CDH26: variants seen among roughly 807,000 people sequenced by gnomAD.
CDH26 encodes the protein cadherin-like protein 26.
In CDH26, 83 loss-of-function variants were observed where a neutral mutation model predicts 90.3. The observed-to-expected ratio is 0.92, with a 90% CI of 0.77 to 1.10. The LOEUF (loss-of-function observed/expected upper bound fraction) is 1.10. Among genes scored for constraint, CDH26 ranks in the 50% least tolerant of loss-of-function variants. The pLI is 0.00. For missense variants in CDH26, 1,013 were observed against 1,037.6 expected, an observed-to-expected ratio of 0.98 and a Z score of 0.33; for synonymous variants, 397 against 396.3, an observed-to-expected ratio of 1.00 and a Z score of -0.02.
At chr20:60,028,699 G>A (rs1209759906) in intron 7 of CDH26, among the ~76,000 whole-genome samples, 1 of 152,188 alleles carries the variant, frequency 6.6e-6, no homozygotes, top group Non-Finnish European at 1.5e-5. Context: ...AAGTGAGGTT[G>A]TGGAGACATC....
chr20:60,035,275 A>C (rs1186951631), downstream of CDH26, among the ~76,000 whole-genome samples: 1 of 152,226 alleles, frequency 6.6e-6, no homozygotes, highest in Non-Finnish European at 1.5e-5. Context: ...TTTTCTATGC[A>C]TGCATGAACA....
At chr20:60,031,247 G>A (rs1211577665) in exon 8 of CDH26, 13 of 1,225,304 alleles carry the variant, frequency 1.1e-5, no homozygotes, top group Admixed American at 3.7e-5. Context: ...GAGAGAAATC[G>A]CTTCAGCCTC....
chr20:59,998,224 C>G (rs772003371), intron 13 of CDH26, among the ~76,000 whole-genome samples: 78 of 152,218 alleles, frequency 5.1e-4, no homozygotes, highest in Non-Finnish European at 9.1e-4. Flanking sequence ...AAATGGTTCC[C>G]AGTCCCAGGA....
chr20:60,021,142 A>G (rs573989196), intron 7 of CDH26, among the ~76,000 whole-genome samples: 1 of 152,222 alleles, frequency 6.6e-6, no homozygotes, highest in African/African-American at 2.4e-5. Context: ...GGTCTGGGAG[A>G]GCACCAGACA....
intron 4 of CDH26, among the ~76,000 whole-genome samples, chr20:59,981,901 TA>T (rs2061399484): frequency 6.6e-6 from 1 of 152,124 alleles, no homozygotes; most frequent in Non-Finnish European, 1.5e-5. Context: ...TTTTTGTTTT[TA>T]TTTCTTGAAA....
chr20:59,969,144 T>C (rs1946020253), intron 2 of CDH26, 121 bp downstream of exon 2: 1 of 634,132 alleles, frequency 1.6e-6, no homozygotes. Context: ...GAAAATAAAA[T>C]AGTAACTTCA....
At chr20:59,996,445 A>C (rs968091227) in intron 12 of CDH26, 186 bp from the exon 13 acceptor site, 1 of 1,592,038 alleles carries the variant, frequency 6.3e-7, no homozygotes, top group African/African-American at 1.3e-5. Flanking sequence ...TAATTCAACA[A>C]ACAGTTATGT....
In CDH26 at chr20:60,030,395, T is replaced by C. The variant is rs972805007; in HGVS notation, c.948-836T>C. ...ATCTGGGTTTTTTTTTGTTTGCTTT[T>C]TTTTGTTTTGTTTTGTTTTTGTTTT... is the stretch of plus-strand genomic sequence containing the variant. On this transcript the variant is annotated intron_variant, in intron 7 of 8. Coordinates refer to the CDH26 transcript ENST00000370991. This position sits in a 1 kb window ranked among gnomAD's most constrained non-coding sequence, Gnocchi z 4.0. 6.6e-6 allele frequency among the ~76,000 whole-genome samples: 1 copy of C among 152,168 alleles called. No individual in the cohort carries two copies. Among genetic ancestry groups the C allele is most frequent in the Non-Finnish European group, 1.5e-5 (1 of 68,032 alleles).
At chr20:60,033,611 T>C in exon 9 of CDH26, 1 of 1,304,858 alleles carries the variant, frequency 7.7e-7, no homozygotes, top group Non-Finnish European at 1.0e-6. Flanking sequence ...CAAAAAGGCA[T>C]GTTTCCCAGG....
At chr20:59,999,009 C>T (rs1230269758) in intron 13 of CDH26, among the ~76,000 whole-genome samples, 1 of 152,174 alleles carries the variant, frequency 6.6e-6, no homozygotes, top group African/African-American at 2.4e-5. Flanking sequence ...GGGAAAACTC[C>T]ATGCAAGATA....
intron 14 of CDH26, 107 bp downstream of exon 14, chr20:59,999,770 GTTC>G: frequency 2.0e-6 from 2 of 1,022,188 alleles, no homozygotes; most frequent in Non-Finnish European, 1.5e-6. Flanking sequence ...ATCCAGGGAG[GTTC>G]TTCTTCAAGT....
At chr20:60,028,896 C>G (rs937576867) in intron 7 of CDH26, among the ~76,000 whole-genome samples, 1 of 152,140 alleles carries the variant, frequency 6.6e-6, no homozygotes, top group East Asian at 1.9e-4. Context: ...TTCGCTGCAG[C>G]GTTATTCACG....
intron 5 of CDH26, 96 bp downstream of exon 5, chr20:59,983,166 G>A (rs1017236212): frequency 1.4e-6 from 2 of 1,436,860 alleles, no homozygotes; most frequent in Admixed American, 2.1e-5. Context: ...TCATCTTCAG[G>A]GAGAGTTTTT....
At chr20:60,023,044 G>A (rs2061970056) in intron 7 of CDH26, among the ~76,000 whole-genome samples, 1 of 152,214 alleles carries the variant, frequency 6.6e-6, no homozygotes. Flanking sequence ...TCCAGGAAGT[G>A]TCCTTGAAGA....
intron 4 of CDH26, among the ~76,000 whole-genome samples, chr20:59,980,954 T>A (rs1238119743): frequency 6.6e-6 from 1 of 150,748 alleles, no homozygotes; most frequent in Admixed American, 6.6e-5. Context: ...CCCAGGTTTA[T>A]TTTTTTTTGC....
Position 59,973,159 on chromosome 20 carries a change from G to A in CDH26, c.393+1036G>A, listed in dbSNP as rs137987397. ...TTCATGAGCAAACAGATCACCTAGGGATCTTGGTAAAAATGCAGATTCTGT... is the reference window on the plus strand; with the variant it reads ...TTCATGAGCAAACAGATCACCTAGGAATCTTGGTAAAAATGCAGATTCTGT... On this transcript the variant is annotated intron_variant, in intron 4 of 17. Coordinates refer to ENST00000348616, the MANE Select transcript of CDH26 (RefSeq NM_177980.4). 2.2e-4 allele frequency among the ~76,000 whole-genome samples: 34 copies of A among 152,310 alleles called. No individual in the cohort carries two copies. The Middle Eastern group carries it at 0.017, about 76-fold the overall frequency.
intron 4 of CDH26, among the ~76,000 whole-genome samples, chr20:59,982,300 T>C (rs1473998916): frequency 6.6e-6 from 1 of 152,256 alleles, no homozygotes; most frequent in Non-Finnish European, 1.5e-5. Flanking sequence ...CCTTTACTAT[T>C]GCTTTCTGTT....
Position 59,996,067 on chromosome 20 carries a change from T to C in CDH26, c.1888+13T>C, listed in dbSNP as rs1395035880. On this transcript the variant is annotated intron_variant, in intron 12 of 17. Coordinates refer to ENST00000348616, the MANE Select transcript of CDH26 (RefSeq NM_177980.4). The stretch of plus-strand genomic sequence containing the variant: ...GTGGCTCTGGCAGGTCAGTGGTCTG[T>C]AGGGGTGTCCTGGGACTGTGGCTCC... The C allele has an allele frequency of 1.2e-6, 2 of 1,609,244 alleles. No individual in the cohort carries two copies. The highest frequency in any genetic ancestry group is 8.5e-7 in the Non-Finnish European group (1 of 1,178,888).
downstream of CDH26, among the ~76,000 whole-genome samples, chr20:60,017,527 G>T (rs1018835582): frequency 6.6e-6 from 1 of 151,684 alleles, no homozygotes; most frequent in Non-Finnish European, 1.5e-5. Flanking sequence ...ATGGTTTGTT[G>T]ATTTCATTTA....
Sources: allele counts gnomAD v4.1 joint callset (sites outside exome capture counted in the v4.1 genomes callset), GRCh38; gene constraint gnomAD v4.1.1; non-coding constraint Gnocchi (gnomAD v3.1); transcripts MANE v1.5; gene names NCBI Gene and HGNC (gene_info 2026-07-23, HGNC 2026-07-21).